Variants in SLC68A1 observed in about 807,000 individuals in gnomAD.
The protein encoded by SLC68A1 is major facilitator superfamily domain containing 13A.
the SLC68A1 span, chr10:102,476,163 G>T: frequency 6.1e-6 from 7 of 1,150,152 alleles, no homozygotes; most frequent in South Asian, 1.0e-4. Flanking sequence ...CACCACCCAG[G>T]TTCAAGCAAT....
the SLC68A1 span, chr10:102,475,850 GTGCCC>G: frequency 6.2e-7 from 1 of 1,614,050 alleles, no homozygotes; most frequent in Non-Finnish European, 8.5e-7. Context: ...GCTGGTGCTG[GTGCCC>G]ATCACCTGTG....
At chr10:102,465,167 G>C in the SLC68A1 span, among the ~76,000 whole-genome samples, 2 of 151,962 alleles carry the variant, frequency 1.3e-5, no homozygotes, top group African/African-American at 4.8e-5. Context: ...GCTGAGGCAG[G>C]AGAATGGCTT....
the SLC68A1 span, among the ~76,000 whole-genome samples, chr10:102,475,426 G>A: frequency 6.6e-6 from 1 of 152,216 alleles, no homozygotes; most frequent in Non-Finnish European, 1.5e-5. Context: ...GTGGTGGCAG[G>A]TGGGATACGT....
chr10:102,475,724 C>T, the SLC68A1 span: 1 of 1,595,966 alleles, frequency 6.3e-7, no homozygotes, highest in African/African-American at 1.3e-5. Flanking sequence ...TGTCCTAGGT[C>T]ATGACCTCTT....
the SLC68A1 span, chr10:102,470,137 A>T: frequency 3.4e-6 from 5 of 1,459,786 alleles, no homozygotes; most frequent in African/African-American, 1.4e-5. Context: ...CCCAGGAGGG[A>T]GGACCCCTGC....
chr10:102,469,178 TG>T, the SLC68A1 span: 1 of 1,612,738 alleles, frequency 6.2e-7, no homozygotes, highest in Non-Finnish European at 8.5e-7. Flanking sequence ...ATCAACAAAA[TG>T]GCCTTCTGGG....
chr10:102,476,777 T>C, the SLC68A1 span: 2 of 986,026 alleles, frequency 2.0e-6, no homozygotes, highest in Non-Finnish European at 2.4e-6. Context: ...CCCATCCCGC[T>C]GCCTGACTGG....
At chr10:102,474,521 A>G in the SLC68A1 span, among the ~76,000 whole-genome samples, 1 of 152,170 alleles carries the variant, frequency 6.6e-6, no homozygotes, top group Admixed American at 6.6e-5. Context: ...TCGCAGGCAG[A>G]GGGAACAGCA....
the SLC68A1 span, chr10:102,475,828 C>G: frequency 1.2e-6 from 2 of 1,613,978 alleles, no homozygotes; most frequent in African/African-American, 2.7e-5. Context: ...TCCGCCAGGG[C>G]TGCTTCTACC....
At chr10:102,464,517 C>T in the SLC68A1 span, among the ~76,000 whole-genome samples, 1 of 151,470 alleles carries the variant, frequency 6.6e-6, no homozygotes, top group East Asian at 1.9e-4. Context: ...GTAGGCCGGG[C>T]GCAGTGGCTC....
chr10:102,465,357 G>A, the SLC68A1 span, among the ~76,000 whole-genome samples: 2 of 151,430 alleles, frequency 1.3e-5, no homozygotes, highest in African/African-American at 2.4e-5. Flanking sequence ...CCCAGGAGGC[G>A]GAGGTTGCAG....
the SLC68A1 span, chr10:102,469,961 A>G: frequency 1.2e-6 from 2 of 1,609,466 alleles, no homozygotes; most frequent in Non-Finnish European, 1.7e-6. Context: ...TGCTGTCTAG[A>G]GCCCACCTTC....
chr10:102,469,885 T>C, the SLC68A1 span: 1 of 1,472,202 alleles, frequency 6.8e-7, no homozygotes, highest in Non-Finnish European at 9.0e-7. Flanking sequence ...GGTTTGCAGG[T>C]AGGAAAGCTG....
chr10:102,471,987 T>A, the SLC68A1 span: 3 of 455,758 alleles, frequency 6.6e-6, no homozygotes, highest in East Asian at 2.1e-4. Context: ...TTGGGGACCC[T>A]CTAACAATCT....
At chr10:102,471,376 G>A in the SLC68A1 span, 11 of 1,613,174 alleles carry the variant, frequency 6.8e-6, no homozygotes, top group South Asian at 2.2e-5. Context: ...CCTGTGGTTC[G>A]TGAGCATGGA....
chr10:102,474,300 C>T, the SLC68A1 span, among the ~76,000 whole-genome samples: 1 of 148,792 alleles, frequency 6.7e-6, no homozygotes, highest in Non-Finnish European at 1.5e-5. Context: ...CACCACGGAG[C>T]TTGTATTCTA....
the SLC68A1 span, chr10:102,471,333 G>A: frequency 6.2e-7 from 1 of 1,613,950 alleles, no homozygotes. Context: ...CCTTGGGCCG[G>A]TATCTCCGGC....
chr10:102,469,215 TGGCTAACATGGA>T, the SLC68A1 span: 1 of 1,610,726 alleles, frequency 6.2e-7, no homozygotes, highest in South Asian at 1.1e-5. Context: ...CAGTGCTGGG[TGGCTAACATGGA>T]GGAGGGGGTG....
chr10:102,471,001 C>A, the SLC68A1 span: 1 of 1,613,300 alleles, frequency 6.2e-7, no homozygotes, highest in Non-Finnish European at 8.5e-7. Context: ...GCGCTTTCTG[C>A]GTGACACTGG....
Sources: allele counts gnomAD v4.1 joint callset (sites outside exome capture counted in the v4.1 genomes callset), GRCh38; gene constraint gnomAD v4.1.1; transcripts MANE v1.5; gene names NCBI Gene and HGNC (gene_info 2026-07-23, HGNC 2026-07-21).